Variants in ARHGEF17 observed in about 807,000 individuals in gnomAD.
The protein encoded by ARHGEF17 is 164 kDa Rho-specific guanine-nucleotide exchange factor.
Under a neutral mutation model 174.0 loss-of-function variants are expected in ARHGEF17, and 80 were observed. The observed-to-expected ratio is 0.46, with a 90% CI of 0.38 to 0.55. The LOEUF (loss-of-function observed/expected upper bound fraction) is 0.55. ARHGEF17 is among the 20% of genes least tolerant of loss of function. The pLI is 0.00. For missense variants in ARHGEF17, 2,886 were observed against 2,839.7 expected (o/e 1.02, Z -0.37); for synonymous variants, 1,311 against 1,189.1 (o/e 1.10, Z -2.11).
chr11:73,343,400 C>G (rs906739828), intron 1 of ARHGEF17: 3 of 388,494 alleles, frequency 7.7e-6, no homozygotes, highest in African/African-American at 6.3e-5. Flanking sequence ...TCTCTGTGAC[C>G]GGGGATGGAG....
At position 73,311,441 on chromosome 11, in the gene ARHGEF17, C is replaced by T. The variant is rs76880358; in HGVS notation, c.2803C>T (p.Arg935Trp). Residue 935 changes from arginine to tryptophan, a missense_variant, in exon 1 of 21, where the codon CGG (arginine) becomes TGG (tryptophan). Physicochemically the swap from Arg to Trp is moderately radical, Grantham distance 101. Around this residue, in one of 4 missense-constraint regions of ARHGEF17, gnomAD observed 1,728 missense variants for 1,461.2 expected, o/e 1.18. Transcript: ENST00000263674. ...AGCTCGGAGTAGTCACCAGGAGCTT[C>T]GGAGAGACGAGGGCAGTCAGGACCA... ...RPARSSHQEL[R>W]RDEGSQDQTG... 183 of 1,613,330 alleles carry T rather than the reference C, an allele frequency of 1.1e-4. 1 individual carries two copies. In the East Asian group the frequency reaches 3.7e-3, roughly 33 times the overall value.
chr11:73,359,591 C>T (rs904646294), intron 9 of ARHGEF17, among the ~76,000 whole-genome samples: 5 of 152,226 alleles, frequency 3.3e-5, no homozygotes, highest in Non-Finnish European at 5.9e-5. Flanking sequence ...GGGAATTCTC[C>T]GTGGGCCTGA....
At chr11:73,319,475 A>G (rs1399404614) in intron 1 of ARHGEF17, among the ~76,000 whole-genome samples, 1 of 152,180 alleles carries the variant, frequency 6.6e-6, no homozygotes, top group Non-Finnish European at 1.5e-5. Flanking sequence ...AGTCCCTGTT[A>G]TTATGTAAGG....
intron 1 of ARHGEF17, among the ~76,000 whole-genome samples, chr11:73,326,546 C>T (rs1591729609): frequency 1.3e-5 from 2 of 152,190 alleles, no homozygotes; most frequent in East Asian, 3.9e-4. Context: ...ATGGTAAAAC[C>T]ACATCTCTAC....
chr11:73,312,011 T>G (rs370014970), intron 1 of ARHGEF17, among the ~76,000 whole-genome samples, 181 bp downstream of exon 1: 2 of 152,360 alleles, frequency 1.3e-5, no homozygotes, highest in East Asian at 3.9e-4. Flanking sequence ...TCCTGTCTAC[T>G]CAGGCCCTGT....
rs1314779073 is a variant in ARHGEF17 at position 73,364,172 on chromosome 11, G to C, written c.5334G>C (p.Leu1778Phe). The change falls in exon 17 of 21, where the codon TTG (leucine) becomes TTC (phenylalanine). Residue 1778 changes from leucine to phenylalanine, a missense_variant and splice_region_variant. Leu to Phe is a conservative substitution (Grantham distance 22). Transcript: ENST00000263674. The part of the protein sequence containing the change: ...LQHAASVTCI[L>F]YLNNQVFVSL... ...ACTGCTTCCTCTTTTCCCTACCCAG[G>C]TATCTGAATAACCAGGTGTTTGTGT... is the stretch of plus-strand genomic sequence containing the variant. 1.2e-6 allele frequency: 2 copies of C among 1,613,936 alleles called. No homozygotes were observed. The highest frequency in any genetic ancestry group is 2.2e-5 in the East Asian group (1 of 44,886).
intron 1 of ARHGEF17, among the ~76,000 whole-genome samples, chr11:73,320,436 C>T (rs1233885413): frequency 2.7e-5 from 4 of 150,504 alleles, no homozygotes; most frequent in Admixed American, 2.0e-4. Flanking sequence ...GAGTTCAAGA[C>T]TCAGCCTGGC....
chr11:73,309,134 C>A lies in ARHGEF17; in HGVS notation c.496C>A (p.Arg166=). ...AAWEPPARES[R]QPPTPPPRTC... ...GTGGGAGCCTCCGGCTCGGGAGTCG[C>A]GGCAGCCACCGACGCCACCCCCTCG... Residue 166 remains arginine (R), a synonymous_variant, in exon 1 of 21, where the codon CGG becomes AGG. Coordinates refer to ENST00000263674, the MANE Select transcript of ARHGEF17 (RefSeq NM_014786.4). 1 of 1,575,064 alleles carries A rather than the reference C, an allele frequency of 6.3e-7. No individual in the cohort carries two copies. The highest frequency in any genetic ancestry group is 2.4e-5 in the East Asian group (1 of 41,040).
At chr11:73,366,261 T>C (rs978037434) in intron 20 of ARHGEF17, among the ~76,000 whole-genome samples, 2 of 152,056 alleles carry the variant, frequency 1.3e-5, no homozygotes, top group African/African-American at 4.8e-5. Flanking sequence ...ATATAGAAAA[T>C]ATGTCCTGTT....
At position 73,309,008 on chromosome 11, in the gene ARHGEF17, C is replaced by G. The variant is rs761714072; in HGVS notation, c.370C>G (p.Pro124Ala). The change falls in exon 1 of 21, where the codon CCC becomes GCC. Residue 124 changes from proline to alanine, a missense_variant. By Grantham distance (27) the Pro-to-Ala change is conservative. Transcript: ENST00000263674. ...AAEGPARGAW[P>A]SVTEMRKLFG... ...CGAGGGCCCAGCGCGAGGAGCCTGG[C>G]CCAGCGTCACCGAGATGCGCAAGCT... is the stretch of plus-strand genomic sequence containing the variant. 4 of 1,408,708 alleles carry G rather than the reference C, an allele frequency of 2.8e-6. No individual in the cohort carries two copies. The highest frequency in any genetic ancestry group is 1.5e-5 in the African/African-American group (1 of 65,842). 87.3% of individuals were successfully genotyped at this position (1,408,708 alleles called of 1,614,324 possible).
intron 1 of ARHGEF17, among the ~76,000 whole-genome samples, chr11:73,335,648 C>G (rs1008639028): frequency 1.3e-5 from 2 of 152,130 alleles, no homozygotes; most frequent in Non-Finnish European, 2.9e-5. Context: ...CTGTGGGCGT[C>G]TGGTGGAAGT....
intron 1 of ARHGEF17, among the ~76,000 whole-genome samples, chr11:73,328,539 C>T (rs1278680082): frequency 2.0e-5 from 3 of 152,112 alleles, no homozygotes; most frequent in Non-Finnish European, 2.9e-5. Context: ...AGGGGTTGAG[C>T]GTTTGGCTTG....
chr11:73,331,223 A>C (rs184444517), intron 1 of ARHGEF17, among the ~76,000 whole-genome samples: 123 of 152,248 alleles, frequency 8.1e-4, no homozygotes, highest in Admixed American at 1.4e-3. Context: ...CATCAAAGGG[A>C]GCACTGGCCT....
chr11:73,362,271 G>A, intron 13 of ARHGEF17, 32 bp downstream of exon 13: 3 of 1,480,068 alleles, frequency 2.0e-6, no homozygotes, highest in Non-Finnish European at 1.8e-6. Flanking sequence ...GGGCGGCACC[G>A]CGGGCCTGGG....
chr11:73,362,403 T>A (rs1161976717), intron 13 of ARHGEF17, 30 bp from the exon 14 acceptor site: 2 of 1,511,814 alleles, frequency 1.3e-6, no homozygotes, highest in Non-Finnish European at 1.8e-6. Context: ...GGCTCGTAGC[T>A]GCTGTCATCC....
At chr11:73,359,709 T>C in intron 9 of ARHGEF17, 125 bp from the exon 10 acceptor site, 1 of 764,842 alleles carries the variant, frequency 1.3e-6, no homozygotes, top group East Asian at 2.9e-5. Context: ...GGGGTTTCTA[T>C]GCTTTCGGTT....
chr11:73,325,628 T>C lies in ARHGEF17; in HGVS notation c.3192+13798T>C, dbSNP rs566406179. On this transcript the variant is annotated intron_variant, in intron 1 of 20. Coordinates refer to ENST00000263674, the MANE Select transcript of ARHGEF17 (RefSeq NM_014786.4). The stretch of plus-strand genomic sequence containing the variant: ...ACCCACAAAGACATCTGTACAGATA[T>C]CAGGAGTGAGGACCGAGCCTGAGAC... Among the ~76,000 whole-genome samples the C allele has an allele frequency of 7.0e-4, 106 of 152,362 alleles. 2 individuals are homozygous for C. Among genetic ancestry groups the C allele is most frequent in the Non-Finnish European group, 4.7e-4 (32 of 68,036 alleles).
At chr11:73,362,270 C>T in intron 13 of ARHGEF17, 31 bp downstream of exon 13, 3 of 1,481,842 alleles carry the variant, frequency 2.0e-6, no homozygotes, top group Non-Finnish European at 2.7e-6. Context: ...TGGGCGGCAC[C>T]GCGGGCCTGG....
intron 5 of ARHGEF17, 34 bp from the exon 6 acceptor site, chr11:73,356,141 A>G: frequency 1.9e-6 from 3 of 1,609,898 alleles, no homozygotes; most frequent in Non-Finnish European, 2.5e-6. Context: ...AGGGGTAGCT[A>G]AGCAGTCAGG....
Sources: allele counts gnomAD v4.1 joint callset (sites outside exome capture counted in the v4.1 genomes callset), GRCh38; gene constraint gnomAD v4.1.1; regional missense constraint gnomAD v4.1.1; transcripts MANE v1.5; gene names NCBI Gene and HGNC (gene_info 2026-07-23, HGNC 2026-07-21).